The following CTNNA2 variants were observed in gnomAD, a reference collection of about 807,000 sequenced individuals.
CTNNA2 encodes the protein catenin alpha-2.
In CTNNA2, 42 loss-of-function variants were observed where a neutral mutation model predicts 101.0. The ratio of observed to expected loss-of-function variants is 0.42; its 90% CI spans 0.32 to 0.54. The LOEUF (loss-of-function observed/expected upper bound fraction) is 0.54, where lower values mean the gene tolerates loss of function less well. CTNNA2 is among the 20% of genes least tolerant of loss of function. The pLI, the probability that CTNNA2 is intolerant of heterozygous loss-of-function variation, is 0.14. For synonymous variants in CTNNA2, 450 were observed against 456.4 expected (o/e 0.99, Z 0.18); for missense variants, 871 against 1,223.1 (o/e 0.71, Z 4.29).
chr2:80,208,511 C>T (rs765845991), intron 7 of CTNNA2, among the ~76,000 whole-genome samples: 18 of 152,250 alleles, frequency 1.2e-4, no homozygotes, highest in Non-Finnish European at 2.2e-4. Context: ...GTGCTCTGAA[C>T]AATAGCTTGC....
intron 7 of CTNNA2, among the ~76,000 whole-genome samples, chr2:80,306,232 C>A (rs997584415): frequency 1.3e-5 from 2 of 152,164 alleles, no homozygotes; most frequent in African/African-American, 4.8e-5. Context: ...TCCTAGACAT[C>A]ACATGCTGTC....
chr2:79,524,565 C>T (rs1279516470), intron 1 of CTNNA2: 2 of 151,346 alleles, frequency 1.3e-5, no homozygotes, highest in East Asian at 1.9e-4. Context: ...ACACACACCC[C>T]ACTTACAAGC....
chr2:79,654,245 C>T (rs1003018587), intron 2 of CTNNA2, among the ~76,000 whole-genome samples: 3 of 152,206 alleles, frequency 2.0e-5, no homozygotes, highest in Admixed American at 6.5e-5. Flanking sequence ...CTAGCAGCGC[C>T]CCACTTCCAA....
At chr2:80,258,901 G>C (rs562631083) in intron 7 of CTNNA2, among the ~76,000 whole-genome samples, 110 of 152,212 alleles carry the variant, frequency 7.2e-4, no homozygotes, top group African/African-American at 2.6e-3. Context: ...CAGAGACATG[G>C]TACCTCTCCT....
intron 16 of CTNNA2, 132 bp downstream of exon 16, chr2:80,604,311 T>C (rs771373660): frequency 5.8e-6 from 4 of 689,278 alleles, no homozygotes; most frequent in Non-Finnish European, 1.0e-5. Context: ...ACTGATATTT[T>C]ACACACTGGT....
At chr2:80,611,109 C>T (rs216674) in intron 17 of CTNNA2, among the ~76,000 whole-genome samples, 33,913 of 151,186 alleles carry the variant, frequency 0.22, 5,413 homozygotes, top group African/African-American at 0.46. Context: ...CAGCTTAACC[C>T]GGTTACTAAG....
At chr2:80,205,532 T>G (rs189676876) in intron 7 of CTNNA2, among the ~76,000 whole-genome samples, 71 of 152,286 alleles carry the variant, frequency 4.7e-4, no homozygotes, top group South Asian at 2.1e-4. Context: ...GGTGAAAAAT[T>G]TCCCTGAAAA....
chr2:79,411,364 G>C (rs1678407832), intron 4 of CTNNA2, among the ~76,000 whole-genome samples: 1 of 151,808 alleles, frequency 6.6e-6, no homozygotes, highest in African/African-American at 2.4e-5. Context: ...GTTTGCTCTT[G>C]CTTTTCTAGT....
chr2:79,752,809 C>T (rs1672130785), intron 3 of CTNNA2, among the ~76,000 whole-genome samples: 1 of 152,148 alleles, frequency 6.6e-6, no homozygotes. Flanking sequence ...TGCCTGCTTG[C>T]TTATTGTTTC....
At chr2:79,734,289 T>C (rs1205824894) in intron 2 of CTNNA2, among the ~76,000 whole-genome samples, 1 of 152,134 alleles carries the variant, frequency 6.6e-6, no homozygotes, top group Non-Finnish European at 1.5e-5. Flanking sequence ...ACATTGAAAG[T>C]TGTATAGATT....
rs573940726 is a variant in CTNNA2 at position 79,321,678 on chromosome 2, C to T, written c.-318+8882C>T. Among the ~76,000 whole-genome samples the T allele has an allele frequency of 3.9e-5, 6 of 152,190 alleles. No homozygotes were observed. In the South Asian group the frequency reaches 8.3e-4, roughly 21 times the overall value. ...ATCTTAGTGTTACACAGACAAGAAG[C>T]GCAAGGACAGGAAGGGACATTGACT... On this transcript the variant is annotated intron_variant, in intron 3 of 21. Coordinates refer to the CTNNA2 transcript ENST00000466387.
chr2:79,687,544 T>C (rs1684017328), intron 2 of CTNNA2: 7 of 700,252 alleles, frequency 1.0e-5, no homozygotes, highest in Non-Finnish European at 1.8e-5. Flanking sequence ...TGAATACACA[T>C]TGTTTTGTTT....
At chr2:79,463,021 C>T (rs1670895867) in intron 4 of CTNNA2, among the ~76,000 whole-genome samples, 1 of 152,148 alleles carries the variant, frequency 6.6e-6, no homozygotes, top group Admixed American at 6.5e-5. Context: ...TGCTTACCAG[C>T]CCTTGCTGGG....
chr2:80,254,126 A>G (rs1191396196), intron 7 of CTNNA2, among the ~76,000 whole-genome samples: 3 of 152,128 alleles, frequency 2.0e-5, no homozygotes, highest in East Asian at 3.9e-4. Context: ...TCCAATATGC[A>G]TATTTGTTCT....
chr2:80,139,829 C>T (rs1163277330), intron 7 of CTNNA2, among the ~76,000 whole-genome samples: 5 of 152,164 alleles, frequency 3.3e-5, no homozygotes, highest in African/African-American at 4.8e-5. Context: ...CCCTAAGGTA[C>T]TGCTGTGAAG....
intron 7 of CTNNA2, among the ~76,000 whole-genome samples, chr2:80,160,346 G>A (rs1704233823): frequency 1.3e-5 from 2 of 151,838 alleles, no homozygotes; most frequent in African/African-American, 4.8e-5. Context: ...AGTTTTTCTT[G>A]GATTTTGCTA....
At chr2:80,040,806 G>A (rs1401730082) in intron 7 of CTNNA2, among the ~76,000 whole-genome samples, 3 of 152,186 alleles carry the variant, frequency 2.0e-5, no homozygotes, top group South Asian at 2.1e-4. Flanking sequence ...AAAATTTAAC[G>A]TGTATACTTT....
chr2:79,620,466 A>G (rs928710184), intron 1 of CTNNA2, among the ~76,000 whole-genome samples: 2 of 152,152 alleles, frequency 1.3e-5, no homozygotes, highest in Admixed American at 1.3e-4. Flanking sequence ...CCACTCATAC[A>G]CATATGTGTC....
At chr2:80,057,172 G>GT (rs1260783289) in intron 7 of CTNNA2, among the ~76,000 whole-genome samples, 3,475 of 138,276 alleles carry the variant, frequency 0.025, 79 homozygotes, top group African/African-American at 0.072. Context: ...AAGTATATAA[G>GT]TTGTTTTTTT....
Sources: allele counts gnomAD v4.1 joint callset (sites outside exome capture counted in the v4.1 genomes callset), GRCh38; gene constraint gnomAD v4.1.1; transcripts MANE v1.5; gene names NCBI Gene and HGNC (gene_info 2026-07-23, HGNC 2026-07-21).